Variants in ALDH7A1 observed in about 807,000 individuals in gnomAD.
ALDH7A1 encodes aldehyde dehydrogenase 7 family member A1, also known as alpha-aminoadipic semialdehyde dehydrogenase.
A neutral mutation model predicts 79.9 loss-of-function variants in ALDH7A1; 63 were observed. The observed-to-expected ratio is 0.79, with a 90% CI of 0.64 to 0.97. ALDH7A1 has a LOEUF of 0.97. Ranked by LOEUF, ALDH7A1 falls within the 50% of genes least tolerant of loss-of-function variation. The pLI, the probability that ALDH7A1 is intolerant of heterozygous loss-of-function variation, is 0.00. For synonymous variants in ALDH7A1, 240 were observed against 231.2 expected (o/e 1.04, Z -0.34); for missense variants, 627 against 665.2 (o/e 0.94, Z 0.63).
At chr5:126,592,881 C>A in intron 2 of ALDH7A1, 152 bp from the exon 3 acceptor site, 1 of 816,846 alleles carries the variant, frequency 1.2e-6, no homozygotes, top group East Asian at 2.7e-5. Context: ...TCTATACTTC[C>A]AAAAACTAGC....
At chr5:126,576,796 G>A (rs528153565) in intron 6 of ALDH7A1, among the ~76,000 whole-genome samples, 8 of 152,106 alleles carry the variant, frequency 5.3e-5, no homozygotes, top group Non-Finnish European at 1.0e-4. Flanking sequence ...GCATGGTTGC[G>A]CATGCCTGTA....
In ALDH7A1 at chr5:126,568,587, C is replaced by T; in HGVS notation, c.774-231G>A. Reference sequence around the variant, plus strand: ...CTGTGAGCATTTGAATAGAAATCACCTAGAGGAAGTTGTTAGGGAAGAAAG... The same window carrying T: ...CTGTGAGCATTTGAATAGAAATCACTTAGAGGAAGTTGTTAGGGAAGAAAG... On this transcript the variant is annotated intron_variant, in intron 8 of 17. Coordinates refer to ENST00000409134, the MANE Select transcript of ALDH7A1 (RefSeq NM_001182.5). 5.7e-6 allele frequency: 3 copies of T among 528,058 alleles called. No homozygotes were observed. In the South Asian group the frequency reaches 6.0e-5, roughly 11 times the overall value. 32.7% of individuals were successfully genotyped at this position (528,058 alleles called of 1,614,324 possible).
At chr5:126,591,530 C>A (rs558375380) in intron 3 of ALDH7A1, among the ~76,000 whole-genome samples, 47 of 152,044 alleles carry the variant, frequency 3.1e-4, no homozygotes, top group African/African-American at 1.1e-3. Flanking sequence ...AGTCCCACAC[C>A]CAACAGCACA....
chr5:126,578,122 C>G (rs995426331), intron 5 of ALDH7A1, among the ~76,000 whole-genome samples: 2 of 150,596 alleles, frequency 1.3e-5, no homozygotes, highest in Non-Finnish European at 3.0e-5. Context: ...AACCCTGTCT[C>G]TACTGAAAAA....
At position 126,554,318 on chromosome 5, in the gene ALDH7A1, T is replaced by C; in HGVS notation, c.1169A>G (p.Lys390Arg). 1 of 1,614,138 alleles carries C rather than the reference T, an allele frequency of 6.2e-7. No individual in the cohort carries two copies. Among genetic ancestry groups the C allele is most frequent in the Non-Finnish European group, 8.5e-7 (1 of 1,180,022 alleles). ...MFLGAVEEAKKEGGTVVYGGK... is the reference protein window; with the variant it reads ...MFLGAVEEAKREGGTVVYGGK... Reference sequence around the variant, plus strand: ...CCCATAGACCACTGTGCCACCTTCTTTCTTTGCTTCTTCCACTGCTCCAAG... The same window carrying C: ...CCCATAGACCACTGTGCCACCTTCTCTCTTTGCTTCTTCCACTGCTCCAAG... Residue 390 changes from lysine to arginine, a missense_variant, in exon 13 of 18, where the codon AAA (lysine) becomes AGA (arginine). By Grantham distance (26) the Lys-to-Arg change is conservative (BLOSUM62 2). Transcript: ENST00000409134.
At chr5:126,557,044 G>C (rs1365736039) in intron 11 of ALDH7A1, among the ~76,000 whole-genome samples, 1 of 151,976 alleles carries the variant, frequency 6.6e-6, no homozygotes, top group African/African-American at 2.4e-5. Context: ...AATAAAAATT[G>C]GCTGAATAGA....
Position 126,581,035 on chromosome 5 carries a change from G to T in ALDH7A1, c.517+1816C>A, listed in dbSNP as rs1751156042. 2.0e-5 allele frequency among the ~76,000 whole-genome samples: 3 copies of T among 151,954 alleles called. No homozygotes were observed. The South Asian group carries it at 6.2e-4, about 32-fold the overall frequency. Reference sequence around the variant, plus strand: ...AATGGGGTTTCTCCATGTTGGCCAGGATGGTCTCTAACTCCCGACCTCAGG... The same window carrying T: ...AATGGGGTTTCTCCATGTTGGCCAGTATGGTCTCTAACTCCCGACCTCAGG... On this transcript the variant is annotated intron_variant, in intron 5 of 17. Transcript: ENST00000409134.
chr5:126,555,250 AG>A (rs1750149409), intron 12 of ALDH7A1: 2 of 153,528 alleles, frequency 1.3e-5, no homozygotes, highest in African/African-American at 4.8e-5. Flanking sequence ...TGGGAGGCCC[AG>A]GCAGGCAGAC....
In ALDH7A1 at chr5:126,570,809, G is replaced by C. The variant is rs1315886454; in HGVS notation, c.746C>G (p.Ser249Cys). ...AATATCTGCTCCACCACAAGTCAAG[G>C]AACAAATTGCACCAGGCAGCTTGTT... ...EDNKLPGAIC[S>C]LTCGGADIGT... The change falls in exon 8 of 18, where the codon TCC becomes TGC. Residue 249 changes from serine to cysteine, a missense_variant. Physicochemically the swap from Ser to Cys is moderately radical, Grantham distance 112. Transcript: ENST00000409134. 2 of 1,613,826 alleles carry C rather than the reference G, an allele frequency of 1.2e-6. No individual in the cohort carries two copies. Among genetic ancestry groups the C allele is most frequent in the East Asian group, 4.5e-5 (2 of 44,878 alleles).
At chr5:126,583,195 G>C (rs1046187679) in intron 4 of ALDH7A1, among the ~76,000 whole-genome samples, 2 of 152,128 alleles carry the variant, frequency 1.3e-5, no homozygotes, top group Non-Finnish European at 2.9e-5. Flanking sequence ...AATATATAAA[G>C]TACAACCGGG....
At chr5:126,574,023 C>CAAAAAAAAAA (rs34601459) in intron 7 of ALDH7A1, among the ~76,000 whole-genome samples, 1 of 57,234 alleles carries the variant, frequency 1.7e-5, no homozygotes, top group African/African-American at 6.6e-5. Flanking sequence ...AAGACTGTCT[C>CAAAAAAAAAA]AAAAAAAAAA....
At chr5:126,549,825 G>T in intron 16 of ALDH7A1, 104 bp downstream of exon 16, 1 of 1,035,376 alleles carries the variant, frequency 9.7e-7, no homozygotes, top group Non-Finnish European at 1.5e-6. Flanking sequence ...GGTTATTTCA[G>T]AATATAAGGA....
chr5:126,560,269 C>G (rs1750360820), intron 10 of ALDH7A1, among the ~76,000 whole-genome samples: 1 of 152,102 alleles, frequency 6.6e-6, no homozygotes, highest in Non-Finnish European at 1.5e-5. Flanking sequence ...GTCAGGAGTT[C>G]AAGACCAGCC....
At chr5:126,568,673 T>C (rs1750676435) in intron 8 of ALDH7A1, 3 of 358,522 alleles carry the variant, frequency 8.4e-6, no homozygotes. Flanking sequence ...TGCTGAGCAT[T>C]CCAGTTTTAC....
chr5:126,576,949 G>A (rs1327384019), intron 6 of ALDH7A1, 130 bp downstream of exon 6: 2 of 1,202,868 alleles, frequency 1.7e-6, no homozygotes, highest in Non-Finnish European at 2.4e-6. Context: ...ATAAAATAAA[G>A]TTTTATTGAA....
chr5:126,573,460 G>T (rs1750850221), intron 7 of ALDH7A1, among the ~76,000 whole-genome samples: 1 of 152,068 alleles, frequency 6.6e-6, no homozygotes, highest in African/African-American at 2.4e-5. Context: ...AGCACTTTGG[G>T]AGGCTGAGGC....
intron 11 of ALDH7A1, among the ~76,000 whole-genome samples, chr5:126,556,537 C>G (rs1750202153): frequency 2.0e-5 from 3 of 152,172 alleles, no homozygotes; most frequent in Admixed American, 2.0e-4. Flanking sequence ...AGCCACCACA[C>G]CCGGTCCATA....
At chr5:126,565,245 T>C (rs1750532690) in intron 9 of ALDH7A1, among the ~76,000 whole-genome samples, 1 of 151,700 alleles carries the variant, frequency 6.6e-6, no homozygotes, top group African/African-American at 2.4e-5. Flanking sequence ...ATACAAAAAT[T>C]AGTCGGACAT....
At chr5:126,565,208 G>C (rs1282988449) in intron 9 of ALDH7A1, among the ~76,000 whole-genome samples, 2 of 151,894 alleles carry the variant, frequency 1.3e-5, no homozygotes, top group East Asian at 3.9e-4. Flanking sequence ...GCCTGGCCAA[G>C]ATGGTGAAAC....
Sources: gnomAD v4.1 joint callset for allele counts (sites outside exome capture counted in the v4.1 genomes callset) on GRCh38, gnomAD v4.1.1 for gene constraint, MANE v1.5 for transcripts, NCBI Gene and HGNC (gene_info 2026-07-23, HGNC 2026-07-21) for gene names.